The following KCNN2 variants were observed in gnomAD, a reference collection of about 807,000 sequenced individuals.
The protein encoded by KCNN2 is small conductance calcium-activated potassium channel protein 2.
KCNN2 carries 24 observed loss-of-function variants against 55.5 expected under a neutral mutation model. The ratio of observed to expected loss-of-function variants is 0.43; its 90% CI spans 0.31 to 0.61. KCNN2 has a LOEUF of 0.61. KCNN2 is among the 20% of genes least tolerant of loss of function. The pLI is 0.08. For missense variants in KCNN2, 754 were observed against 853.6 expected, an observed-to-expected ratio of 0.88 and a Z score of 1.45; for synonymous variants, 431 against 336.1, an observed-to-expected ratio of 1.28 and a Z score of -3.09.
At chr5:114,373,436 T>C (rs1757825171) in intron 2 of KCNN2, among the ~76,000 whole-genome samples, 1 of 151,176 alleles carries the variant, frequency 6.6e-6, no homozygotes, top group Admixed American at 6.6e-5. Flanking sequence ...CTCTAAACTT[T>C]CCTGCTGAGC....
chr5:114,265,150 A>T (rs1344463336), intron 2 of KCNN2, among the ~76,000 whole-genome samples: 1 of 152,138 alleles, frequency 6.6e-6, no homozygotes, highest in Non-Finnish European at 1.5e-5. Context: ...GATTCAGGGT[A>T]AGTAACTTTT....
intron 3 of KCNN2, among the ~76,000 whole-genome samples, chr5:114,450,356 G>A (rs1439348021): frequency 6.6e-6 from 1 of 152,182 alleles, no homozygotes; most frequent in Non-Finnish European, 1.5e-5. Flanking sequence ...TCTTGGAGGA[G>A]CTCACAGTGT....
At chr5:114,136,320 T>C (rs1752173149) in intron 1 of KCNN2, among the ~76,000 whole-genome samples, 1 of 152,180 alleles carries the variant, frequency 6.6e-6, no homozygotes, top group Admixed American at 6.5e-5. Flanking sequence ...TCACTTGCTC[T>C]TGTCCTCTTT....
chr5:114,270,143 A>T (rs80294761), intron 2 of KCNN2, among the ~76,000 whole-genome samples: 1 of 152,128 alleles, frequency 6.6e-6, no homozygotes, highest in Non-Finnish European at 1.5e-5. Context: ...AAAGAATTTT[A>T]TAGTAATTGT....
intron 1 of KCNN2, among the ~76,000 whole-genome samples, chr5:114,081,074 TA>T (rs1296625332): frequency 6.6e-6 from 1 of 151,958 alleles, no homozygotes; most frequent in Non-Finnish European, 1.5e-5. Flanking sequence ...TCAAAAAGTA[TA>T]AAAAAACTTA....
chr5:114,135,308 C>G (rs760611193), intron 1 of KCNN2, among the ~76,000 whole-genome samples: 1 of 152,180 alleles, frequency 6.6e-6, no homozygotes, highest in African/African-American at 2.4e-5. Flanking sequence ...TGTCCCTACT[C>G]CAACCCGATA....
intron 2 of KCNN2, among the ~76,000 whole-genome samples, chr5:114,320,849 GTTCTT>G (rs1756601619): frequency 6.6e-6 from 1 of 152,120 alleles, no homozygotes; most frequent in Non-Finnish European, 1.5e-5. Flanking sequence ...ATCTTTTTCA[GTTCTT>G]TTAACTGTCA....
chr5:114,327,827 A>C (rs1299716343), intron 2 of KCNN2, among the ~76,000 whole-genome samples: 1 of 152,138 alleles, frequency 6.6e-6, no homozygotes, highest in Admixed American at 6.5e-5. Context: ...AATCAAACAG[A>C]TATATGTCAA....
chr5:114,304,774 CT>C (rs2150023762), intron 2 of KCNN2, among the ~76,000 whole-genome samples: 1 of 152,334 alleles, frequency 6.6e-6, no homozygotes, highest in South Asian at 2.1e-4. Context: ...AAATTGAGAA[CT>C]TTTCAAGTCT....
chr5:114,117,794 G>A (rs1295463405), intron 1 of KCNN2, among the ~76,000 whole-genome samples: 1 of 152,186 alleles, frequency 6.6e-6, no homozygotes. Context: ...AGGGCACTGT[G>A]CCACATGTTT....
At chr5:114,287,609 G>A (rs549140812) in intron 2 of KCNN2, among the ~76,000 whole-genome samples, 17 of 150,472 alleles carry the variant, frequency 1.1e-4, no homozygotes, top group Non-Finnish European at 2.2e-4. Flanking sequence ...GGGATGGGGG[G>A]CAAGGGGAGG....
intron 1 of KCNN2, among the ~76,000 whole-genome samples, chr5:114,099,567 C>G (rs1203498081): frequency 6.6e-6 from 1 of 152,152 alleles, no homozygotes; most frequent in Admixed American, 6.5e-5. Flanking sequence ...GCCTGAAACT[C>G]TTGAGATCAC....
Position 114,115,346 on chromosome 5 carries a change from T to A in KCNN2, c.-271+58846T>A, listed in dbSNP as rs138052966. Among the ~76,000 whole-genome samples the A allele has an allele frequency of 2.5e-3, 384 of 152,270 alleles. 1 individual carries two copies. Among genetic ancestry groups the A allele is most frequent in the African/African-American group, 8.7e-3 (362 of 41,566 alleles). ...GTCACCTATAAAATGCTTTTACTGC[T>A]CCTCAGACCATAGCTAGCATTGTGC... On this transcript the variant is annotated intron_variant, in intron 1 of 10. Coordinates refer to the KCNN2 transcript ENST00000512097.
At chr5:114,367,650 A>ATT (rs577014520) in intron 2 of KCNN2, among the ~76,000 whole-genome samples, 8 of 143,400 alleles carry the variant, frequency 5.6e-5, no homozygotes, top group Non-Finnish European at 9.2e-5. Context: ...TTTCAGTGAC[A>ATT]TTTTTTTTTT....
intron 1 of KCNN2, among the ~76,000 whole-genome samples, chr5:114,179,095 A>T (rs1409455030): frequency 6.6e-6 from 1 of 152,184 alleles, no homozygotes; most frequent in Admixed American, 6.5e-5. Context: ...AATTGGGCCC[A>T]AACTCATCAG....
At chr5:114,274,081 A>G (rs970901464) in intron 2 of KCNN2, among the ~76,000 whole-genome samples, 2 of 152,186 alleles carry the variant, frequency 1.3e-5, no homozygotes, top group Admixed American at 6.5e-5. Context: ...TCTCAACACC[A>G]TTTATTAAAT....
intron 2 of KCNN2, among the ~76,000 whole-genome samples, chr5:114,324,228 A>T (rs1213498122): frequency 6.6e-6 from 1 of 152,238 alleles, no homozygotes. Flanking sequence ...TAAGCAGAAT[A>T]ATGGGCTCCC....
intron 1 of KCNN2, among the ~76,000 whole-genome samples, chr5:114,166,500 G>T (rs902288396): frequency 1.3e-5 from 2 of 152,084 alleles, no homozygotes; most frequent in Non-Finnish European, 2.9e-5. Flanking sequence ...CTACTAACTG[G>T]TAAAACAATG....
chr5:114,387,831 C>T (rs1192948336), intron 2 of KCNN2, among the ~76,000 whole-genome samples: 2 of 152,136 alleles, frequency 1.3e-5, no homozygotes, highest in Non-Finnish European at 2.9e-5. Flanking sequence ...TAGCTTTTTG[C>T]CAGTTGGCAG....
Sources: gnomAD v4.1 joint callset for allele counts (sites outside exome capture counted in the v4.1 genomes callset) on GRCh38, gnomAD v4.1.1 for gene constraint, MANE v1.5 for transcripts, NCBI Gene and HGNC (gene_info 2026-07-23, HGNC 2026-07-21) for gene names.